Variants in NBPF14 observed in about 807,000 individuals in gnomAD.
NBPF14 encodes the protein NBPF family member NBPF14.
In NBPF14, 104 loss-of-function variants were observed where a neutral mutation model predicts 91.2. The ratio of observed to expected loss-of-function variants is 1.14; its 90% CI spans 0.97 to 1.34. The LOEUF (loss-of-function observed/expected upper bound fraction) is 1.34, where lower values mean the gene tolerates loss of function less well. NBPF14 is among the 40% of genes most tolerant of loss of function. The pLI is 0.00. For synonymous variants in NBPF14, 294 were observed against 303.8 expected (o/e 0.97, Z 0.34); for missense variants, 908 against 783.0 (o/e 1.16, Z -1.91).
rs1268899919 is a variant in NBPF14 at position 148,559,454 on chromosome 1, C to T, written c.4729+339G>A. On this transcript the variant is annotated intron_variant, in intron 37 of 70. Transcript: ENST00000619423. ...TGTTCATGGTAGCGAGGATTTCAGA[C>T]GCTGAAATTAGAGTGAAGGATGAAA... Among the ~76,000 whole-genome samples the T allele has an allele frequency of 2.4e-4, 32 of 132,020 alleles. 3 individuals carry two copies. The highest frequency in any genetic ancestry group is 1.6e-3 in the East Asian group (7 of 4,372). 86.6% of individuals were successfully genotyped at this position (132,020 alleles called of 152,430 possible).
In NBPF14 at chr1:148,577,536, C is replaced by T. The variant is rs1340519387; in HGVS notation, c.1854-181G>A. On this transcript the variant is annotated intron_variant, in intron 14 of 70. Transcript: ENST00000619423. The stretch of plus-strand genomic sequence containing the variant: ...CTATGGCCAGGTAGAAAAGGATGAA[C>T]GAGAAAGACACACACACACACACAC... 9.9e-4 allele frequency among the ~76,000 whole-genome samples: 132 copies of T among 132,738 alleles called. 1 individual carries two copies. The highest frequency in any genetic ancestry group is 7.3e-3 in the South Asian group (29 of 3,970). The allele number at this position is 132,738 out of a possible 152,430, so 87.1% of individuals were successfully genotyped here.
exon 21 of NBPF14, chr1:148,572,576 G>C (rs1226592870): frequency 4.6e-6 from 3 of 646,008 alleles, no homozygotes; most frequent in South Asian, 1.6e-5. Flanking sequence ...AGTCCTGCAA[G>C]ACTTCAGGCT....
At chr1:148,534,722 A>G (rs1230214936) in exon 69 of NBPF14, 3 of 839,114 alleles carry the variant, frequency 3.6e-6, no homozygotes, top group Non-Finnish European at 6.2e-6. Context: ...CTGTTCCTCC[A>G]ATGAGTAAAC....
At chr1:148,572,793 G>A (rs2149527324) in intron 20 of NBPF14, among the ~76,000 whole-genome samples, 178 bp from the exon 21 acceptor site, 1 of 62,080 alleles carries the variant, frequency 1.6e-5, no homozygotes, top group Admixed American at 1.6e-4. Context: ...AGAAAACAAT[G>A]AAAGAGAGAG....
intron 28 of NBPF14, among the ~76,000 whole-genome samples, chr1:148,566,542 A>AC (rs1658408822): frequency 8.8e-5 from 8 of 90,986 alleles, no homozygotes; most frequent in East Asian, 3.6e-4. Flanking sequence ...CACACACACA[A>AC]ACACACACAC....
At chr1:148,538,222 A>C in intron 64 of NBPF14, among the ~76,000 whole-genome samples, 1 of 73,394 alleles carries the variant, frequency 1.4e-5, no homozygotes, top group Admixed American at 1.4e-4. Context: ...ACACACACAC[A>C]CACACACACA....
In NBPF14 at chr1:148,534,802, C is replaced by A. The variant is rs1212409666; in HGVS notation, c.8496G>T (p.Leu2832=). Residue 2832 remains leucine, a synonymous_variant, in exon 69 of 71, where the codon CTG becomes CTT. Transcript: ENST00000619423. ...CTGAAGGAGTCGAATAACATCTATC[C>A]AGTGAGTCCTGCAAGACTTCAGGAT... is the stretch of plus-strand genomic sequence containing the variant. The A allele has an allele frequency of 3.1e-6, 3 of 972,400 alleles. No individual in the cohort carries two copies. In the Admixed American group the frequency reaches 5.2e-5, roughly 17 times the overall value. 60.2% of individuals were successfully genotyped at this position (972,400 alleles called of 1,614,324 possible).
At chr1:148,534,973 T>C (rs1654786503) in intron 68 of NBPF14, 117 bp from the exon 69 acceptor site, 23 of 734,882 alleles carry the variant, frequency 3.1e-5, no homozygotes, top group Non-Finnish European at 2.5e-6. Flanking sequence ...ACAGATCCAT[T>C]AATGAGGTAA....
At chr1:148,560,294 C>G (rs1657595170) in intron 36 of NBPF14, among the ~76,000 whole-genome samples, 1 of 138,404 alleles carries the variant, frequency 7.2e-6, no homozygotes, top group African/African-American at 3.1e-5. Context: ...AAACTGTGAT[C>G]ATGAAAAGAG....
intron 70 of NBPF14, among the ~76,000 whole-genome samples, chr1:148,533,534 T>G (rs1654160829): frequency 6.6e-6 from 1 of 150,568 alleles, no homozygotes; most frequent in Non-Finnish European, 1.5e-5. Flanking sequence ...AAGGACACTC[T>G]GAGTTAGTGC....
At chr1:148,533,509 C>G (rs1325186683) in intron 70 of NBPF14, among the ~76,000 whole-genome samples, 7 of 151,516 alleles carry the variant, frequency 4.6e-5, no homozygotes, top group Non-Finnish European at 7.4e-5. Context: ...AGGTGACATA[C>G]TGGTAAGGGA....
exon 63 of NBPF14, chr1:148,539,510 A>G (rs1655532145): frequency 6.7e-6 from 2 of 298,724 alleles, no homozygotes; most frequent in Non-Finnish European, 1.1e-5. Flanking sequence ...AACCTGAAGG[A>G]GTCGAATAAC....
Position 148,539,409 on chromosome 1 carries a change from C to T in NBPF14, c.7882+1G>A, listed in dbSNP as rs1655528736. ...TATCACCTTCACAGTAAGGTACTCA[C>T]TGTCCACGTCAAGAGCCAAGCCAAG... On this transcript the variant is annotated splice_donor_variant, in intron 63 of 70. Coordinates refer to ENST00000619423, the Ensembl canonical transcript of NBPF14. LOFTEE classifies it high-confidence loss of function. 1 of 342,950 alleles carries T rather than the reference C, an allele frequency of 2.9e-6. No homozygotes were observed. The allele number at this position is 342,950 out of a possible 1,614,324, so 21.2% of individuals were successfully genotyped here.
intron 12 of NBPF14, among the ~76,000 whole-genome samples, chr1:148,579,928 A>C (rs1660651303): frequency 6.6e-6 from 1 of 152,130 alleles, no homozygotes; most frequent in Non-Finnish European, 1.5e-5. Context: ...CATCCACCCC[A>C]AAACCCCATC....
exon 8 of NBPF14, chr1:148,587,348 G>T: frequency 1.9e-6 from 3 of 1,583,018 alleles, no homozygotes; most frequent in Admixed American, 1.7e-5. Flanking sequence ...TCTCCTCCTT[G>T]AACTGTCGCT....
chr1:148,533,414 G>T (rs1202111689), intron 70 of NBPF14, among the ~76,000 whole-genome samples, 166 bp from the exon 71 acceptor site: 1 of 150,082 alleles, frequency 6.7e-6, no homozygotes, highest in Non-Finnish European at 1.5e-5. Flanking sequence ...GATAGAACAG[G>T]GCCAGGTAGA....
intron 14 of NBPF14, among the ~76,000 whole-genome samples, chr1:148,577,559 C>T (rs1302215805): frequency 6.6e-6 from 1 of 150,708 alleles, no homozygotes; most frequent in East Asian, 1.9e-4. Context: ...CACACACACA[C>T]ACACACACAC....
At chr1:148,561,822 G>T (rs1256740927) in intron 34 of NBPF14, among the ~76,000 whole-genome samples, 1 of 125,502 alleles carries the variant, frequency 8.0e-6, no homozygotes, top group Non-Finnish European at 1.5e-5. Flanking sequence ...CACACACAGA[G>T]AGAGAGAGAG....
intron 59 of NBPF14, among the ~76,000 whole-genome samples, chr1:148,542,100 C>T (rs1172403238): frequency 2.0e-5 from 2 of 100,858 alleles, no homozygotes; most frequent in Non-Finnish European, 3.5e-5. Flanking sequence ...CAAACAGTTA[C>T]GCCATATTTT....
Sources: allele counts gnomAD v4.1 joint callset (sites outside exome capture counted in the v4.1 genomes callset), GRCh38; gene constraint gnomAD v4.1.1; transcripts MANE v1.5; gene names NCBI Gene and HGNC (gene_info 2026-07-23, HGNC 2026-07-21).